The following MTSS1 variants were observed in gnomAD, a reference collection of about 807,000 sequenced individuals.
The protein encoded by MTSS1 is MTSS I-BAR domain containing 1.
MTSS1 carries 18 observed loss-of-function variants against 79.0 expected under a neutral mutation model. That is an observed-to-expected ratio of 0.23 (90% CI 0.16 to 0.34). The LOEUF (loss-of-function observed/expected upper bound fraction) is 0.34, where lower values mean the gene tolerates loss of function less well. MTSS1 is among the 10% of genes least tolerant of loss of function. The pLI is 1.00. For missense variants in MTSS1, 815 were observed against 986.2 expected, an observed-to-expected ratio of 0.83 and a Z score of 2.33; for synonymous variants, 341 against 368.6, an observed-to-expected ratio of 0.93 and a Z score of 0.86.
chr8:124,557,926 A>C, intron 10 of MTSS1, 51 bp from the exon 11 acceptor site: 1 of 1,416,006 alleles, frequency 7.1e-7, no homozygotes, highest in Non-Finnish European at 9.7e-7. Flanking sequence ...TTAATATAAC[A>C]GGATGAGTGC....
intron 3 of MTSS1, 59 bp downstream of exon 3, chr8:124,699,466 AG>A (rs1829383012): frequency 1.1e-5 from 17 of 1,480,320 alleles, no homozygotes; most frequent in Admixed American, 1.7e-5. Context: ...CAGCCACCCA[AG>A]GGGAAGAGTC....
chr8:124,663,309 C>T (rs764902741), intron 3 of MTSS1, among the ~76,000 whole-genome samples: 4 of 152,272 alleles, frequency 2.6e-5, no homozygotes, highest in Admixed American at 1.3e-4. Context: ...AGCCCCTTTG[C>T]TCAAGGAGGC....
At chr8:124,595,284 C>T (rs1055825029) in intron 3 of MTSS1, among the ~76,000 whole-genome samples, 41 of 152,184 alleles carry the variant, frequency 2.7e-4, no homozygotes, top group African/African-American at 9.7e-4. Context: ...TAAATGACCA[C>T]GAGCTTAGTG....
intron 3 of MTSS1, among the ~76,000 whole-genome samples, chr8:124,594,770 C>T (rs1832470490): frequency 6.6e-6 from 1 of 152,238 alleles, no homozygotes; most frequent in African/African-American, 2.4e-5. Flanking sequence ...ATTAGAATCA[C>T]TGCTGATCTC....
rs1242183184 is a variant in MTSS1 at position 124,683,008 on chromosome 8, A to G, written c.208+16518T>C. Among the ~76,000 whole-genome samples, 1 of 152,184 alleles carries G rather than the reference A, an allele frequency of 6.6e-6. No homozygotes were observed. The highest frequency in any genetic ancestry group is 2.4e-5 in the African/African-American group (1 of 41,440). On this transcript the variant is annotated intron_variant, in intron 3 of 13. Coordinates refer to ENST00000518547, the MANE Select transcript of MTSS1 (RefSeq NM_014751.6). This position sits in a 1 kb window ranked among gnomAD's most constrained non-coding sequence, Gnocchi z 4.5. Reference sequence around the variant, plus strand: ...TGGTCATCCCAGCCCTTCCTTCCCCAGTCTATGACCTTTTCAGACCATCTT... The same window carrying G: ...TGGTCATCCCAGCCCTTCCTTCCCCGGTCTATGACCTTTTCAGACCATCTT...
intron 3 of MTSS1, among the ~76,000 whole-genome samples, chr8:124,604,496 A>C (rs922942665): frequency 9.2e-5 from 14 of 152,310 alleles, no homozygotes; most frequent in East Asian, 3.9e-4. Context: ...TAAAGCCCCC[A>C]AAAAAGGAAG....
At chr8:124,680,663 A>T (rs981012625) in intron 3 of MTSS1, among the ~76,000 whole-genome samples, 1 of 152,238 alleles carries the variant, frequency 6.6e-6, no homozygotes, top group African/African-American at 2.4e-5. Context: ...TATGTCTTGC[A>T]AACAGCACCC....
chr8:124,617,880 A>G (rs1317478965), intron 3 of MTSS1, among the ~76,000 whole-genome samples: 1 of 152,244 alleles, frequency 6.6e-6, no homozygotes, highest in African/African-American at 2.4e-5. Context: ...TTCCCATCAT[A>G]GAAGAGGAAA....
At chr8:124,697,503 G>A (rs928504823) in intron 3 of MTSS1, among the ~76,000 whole-genome samples, 1 of 152,028 alleles carries the variant, frequency 6.6e-6, no homozygotes, top group Admixed American at 6.6e-5. Context: ...AGAGGTTGCA[G>A]TGAGCCAAGA....
Position 124,553,312 on chromosome 8 carries a change from C to T in MTSS1, c.1948G>A (p.Val650Met). 1 of 1,614,160 alleles carries T rather than the reference C, an allele frequency of 6.2e-7. No individual in the cohort carries two copies. Residue 650 changes from valine (V) to methionine (M), a missense_variant, in exon 14 of 14, where the codon GTG becomes ATG. Physicochemically the swap from Val to Met is conservative, Grantham distance 21. Transcript: ENST00000518547. The surrounding 1 kb of genome is among the most constrained non-coding windows in gnomAD (Gnocchi z 6.0). ...GTGACACCTTGGGGGCCCTCACCCA[C>T]AGATGGCGACTCAGGGCTGTGCTCC... ...RGEHSPESPSVGEGPQGVTSM... is the reference protein window; with the variant it reads ...RGEHSPESPSMGEGPQGVTSM...
At chr8:124,554,142 C>T (rs748983171) in intron 13 of MTSS1, among the ~76,000 whole-genome samples, 2 of 152,218 alleles carry the variant, frequency 1.3e-5, no homozygotes, top group Non-Finnish European at 2.9e-5. Context: ...AAGAACAAAG[C>T]TACTGACAGT....
intron 6 of MTSS1, among the ~76,000 whole-genome samples, chr8:124,577,013 C>A (rs1315727259): frequency 2.0e-5 from 3 of 152,198 alleles, no homozygotes; most frequent in African/African-American, 7.2e-5. Context: ...CTATTGTGTA[C>A]AGGCACACCC....
intron 3 of MTSS1, among the ~76,000 whole-genome samples, chr8:124,681,288 C>T (rs184692775): frequency 3.3e-4 from 50 of 151,606 alleles, no homozygotes; most frequent in Non-Finnish European, 5.4e-4. Flanking sequence ...AAATGCCAAC[C>T]TCAGGACTCC....
intron 4 of MTSS1, 68 bp from the exon 5 acceptor site, chr8:124,589,779 TG>T: frequency 8.5e-7 from 1 of 1,180,798 alleles, no homozygotes; most frequent in South Asian, 1.3e-5. Flanking sequence ...GATTTAAATG[TG>T]GTTGTCAAAA....
intron 1 of MTSS1, among the ~76,000 whole-genome samples, chr8:124,714,392 C>A (rs767323224): frequency 1.3e-5 from 2 of 152,202 alleles, no homozygotes; most frequent in African/African-American, 4.8e-5. Flanking sequence ...CCCTCACGCC[C>A]GGTTAACTGC....
At chr8:124,591,288 G>A in intron 3 of MTSS1, 53 bp from the exon 4 acceptor site, 2 of 1,461,024 alleles carry the variant, frequency 1.4e-6, no homozygotes, top group Non-Finnish European at 1.9e-6. Context: ...CAGGGATCAT[G>A]GAGGTCTTTA....
intron 1 of MTSS1, among the ~76,000 whole-genome samples, chr8:124,706,482 A>T (rs894680541): frequency 6.6e-6 from 1 of 152,266 alleles, no homozygotes; most frequent in Non-Finnish European, 1.5e-5. Context: ...GCATGCTGCT[A>T]CACCACATTC....
chr8:124,687,291 G>A lies in MTSS1; in HGVS notation c.208+12235C>T, dbSNP rs561660282. Among the ~76,000 whole-genome samples, 7 of 152,226 alleles carry A rather than the reference G, an allele frequency of 4.6e-5. No individual in the cohort carries two copies. In the East Asian group the frequency reaches 5.8e-4, roughly 13 times the overall value. On this transcript the variant is annotated intron_variant, in intron 3 of 13. Coordinates refer to ENST00000518547, the MANE Select transcript of MTSS1 (RefSeq NM_014751.6). The stretch of plus-strand genomic sequence containing the variant: ...CACAGACATACTGTAGTCAGTGACC[G>A]GTAGGACCACCTGGACCACTGCAGG...
intron 10 of MTSS1, among the ~76,000 whole-genome samples, chr8:124,562,216 T>C (rs1825493448): frequency 6.6e-6 from 1 of 152,158 alleles, no homozygotes; most frequent in Non-Finnish European, 1.5e-5. Flanking sequence ...CCTAGCACCA[T>C]TAAACCCAGC....
Sources: gnomAD v4.1 joint callset for allele counts (sites outside exome capture counted in the v4.1 genomes callset) on GRCh38, gnomAD v4.1.1 for gene constraint, Gnocchi (gnomAD v3.1) non-coding constraint, MANE v1.5 for transcripts, NCBI Gene and HGNC (gene_info 2026-07-23, HGNC 2026-07-21) for gene names.